Variants in KSR2 observed in about 807,000 individuals in gnomAD.
KSR2 encodes the protein kinase suppressor of ras 2.
Under a neutral mutation model 107.8 loss-of-function variants are expected in KSR2, and 25 were observed. The observed-to-expected ratio is 0.23, with a 90% CI of 0.17 to 0.32. The LOEUF is 0.32. KSR2 is among the 10% of genes least tolerant of loss of function. KSR2 has a pLI of 1.00. For missense variants in KSR2, 887 were observed against 1,268.9 expected (o/e 0.70, Z 4.57); for synonymous variants, 480 against 507.0 (o/e 0.95, Z 0.71).
intron 4 of KSR2, chr12:117,677,300 A>T (rs577874775): frequency 2.0e-5 from 3 of 152,256 alleles, no homozygotes; most frequent in African/African-American, 7.2e-5. Flanking sequence ...GGAACCTTTA[A>T]AGAGGTGACT....
At chr12:117,514,429 C>T (rs1295519424) in intron 14 of KSR2, among the ~76,000 whole-genome samples, 1 of 152,190 alleles carries the variant, frequency 6.6e-6, no homozygotes, top group Non-Finnish European at 1.5e-5. Flanking sequence ...TGTGTCCCTC[C>T]TCTGGTTTAA....
At chr12:117,901,687 T>C (rs961145566) in intron 1 of KSR2, among the ~76,000 whole-genome samples, 1 of 151,446 alleles carries the variant, frequency 6.6e-6, no homozygotes, top group Non-Finnish European at 1.5e-5. Context: ...AAACGTGGAG[T>C]GTGGTTGGTT....
At chr12:117,657,187 G>A (rs1023941015) in intron 5 of KSR2, among the ~76,000 whole-genome samples, 1 of 151,676 alleles carries the variant, frequency 6.6e-6, no homozygotes, top group Non-Finnish European at 1.5e-5. Flanking sequence ...TGGATTCAGA[G>A]TGAATCTCAG....
At chr12:117,589,605 A>T (rs1715779668) in intron 5 of KSR2, among the ~76,000 whole-genome samples, 1 of 152,234 alleles carries the variant, frequency 6.6e-6, no homozygotes, top group Non-Finnish European at 1.5e-5. Context: ...AACTTAGATC[A>T]TTAAACTTTT....
At chr12:117,781,773 C>A (rs1317851937) in intron 3 of KSR2, among the ~76,000 whole-genome samples, 1 of 152,170 alleles carries the variant, frequency 6.6e-6, no homozygotes, top group Non-Finnish European at 1.5e-5. Flanking sequence ...AGCAGTTAAC[C>A]CTCCCTGGCA....
intron 4 of KSR2, among the ~76,000 whole-genome samples, chr12:117,758,108 C>T (rs1356252702): frequency 1.3e-5 from 2 of 152,144 alleles, no homozygotes; most frequent in Non-Finnish European, 2.9e-5. Flanking sequence ...CAAATGTATT[C>T]TAACCTCTTG....
At chr12:117,824,622 C>T (rs1891674278) in intron 3 of KSR2, among the ~76,000 whole-genome samples, 1 of 151,494 alleles carries the variant, frequency 6.6e-6, no homozygotes, top group African/African-American at 2.4e-5. Context: ...TTTGGGAGGC[C>T]GAGGCGGGCG....
At chr12:117,710,170 T>C (rs1351655831) in intron 4 of KSR2, among the ~76,000 whole-genome samples, 1 of 152,024 alleles carries the variant, frequency 6.6e-6, no homozygotes, top group Non-Finnish European at 1.5e-5. Context: ...CAGGTAATGA[T>C]GCCATTTGAA....
chr12:117,502,402 G>A (rs1286976902), intron 14 of KSR2, among the ~76,000 whole-genome samples: 1 of 151,970 alleles, frequency 6.6e-6, no homozygotes, highest in Non-Finnish European at 1.5e-5. Context: ...AAGCACTCTG[G>A]GTCTGCATTT....
intron 1 of KSR2, among the ~76,000 whole-genome samples, chr12:117,928,082 C>T (rs1895587728): frequency 6.6e-6 from 1 of 152,044 alleles, no homozygotes; most frequent in Admixed American, 6.6e-5. Flanking sequence ...TGAAATCATA[C>T]AGTATTTGTC....
chr12:117,730,920 C>T (rs534423197), intron 4 of KSR2, among the ~76,000 whole-genome samples: 44 of 152,310 alleles, frequency 2.9e-4, no homozygotes, highest in South Asian at 8.3e-4. Context: ...AGCCTCTGCC[C>T]GGCCGCCACC....
intron 4 of KSR2, among the ~76,000 whole-genome samples, chr12:117,677,841 C>T (rs1346232781): frequency 1.3e-5 from 2 of 152,186 alleles, no homozygotes; most frequent in African/African-American, 2.4e-5. Flanking sequence ...TCCTCCAAAA[C>T]TATATTTTGG....
At chr12:117,485,276 C>T (rs753352591) in intron 15 of KSR2, among the ~76,000 whole-genome samples, 9 of 152,242 alleles carry the variant, frequency 5.9e-5, no homozygotes, top group East Asian at 1.9e-4. Context: ...TTCAAGGACT[C>T]GAAGGATGGT....
intron 1 of KSR2, among the ~76,000 whole-genome samples, chr12:117,894,773 G>T (rs989998665): frequency 5.8e-5 from 8 of 137,142 alleles, no homozygotes; most frequent in Non-Finnish European, 3.1e-5. Flanking sequence ...CTCTGGCCAC[G>T]TGAAGACCAT....
rs555649741 is a variant in KSR2 at position 117,706,611 on chromosome 12, T to G, written c.987-38953A>C. 5.9e-5 allele frequency among the ~76,000 whole-genome samples: 9 copies of G among 152,186 alleles called. No individual in the cohort carries two copies. In the South Asian group the frequency reaches 1.9e-3, roughly 32 times the overall value. ...AGCTCTGCTGGAAGTGGGGATTCACTGCAAACAGACATGAGAGATCTTTTC... is the reference window on the plus strand; with the variant it reads ...AGCTCTGCTGGAAGTGGGGATTCACGGCAAACAGACATGAGAGATCTTTTC... On this transcript the variant is annotated intron_variant, in intron 4 of 19. Transcript: ENST00000339824.
At chr12:117,670,266 CTTTGA>C (rs1487272246) in intron 4 of KSR2, among the ~76,000 whole-genome samples, 2 of 152,236 alleles carry the variant, frequency 1.3e-5, no homozygotes, top group South Asian at 2.1e-4. Context: ...GTTACCACTG[CTTTGA>C]TTTGAGTGCC....
intron 5 of KSR2, among the ~76,000 whole-genome samples, chr12:117,623,563 C>T (rs556756476): frequency 6.6e-6 from 1 of 152,330 alleles, no homozygotes; most frequent in South Asian, 2.1e-4. Context: ...ATGAACTCAT[C>T]CTTTTTTATG....
intron 5 of KSR2, among the ~76,000 whole-genome samples, chr12:117,662,215 C>T (rs2136468005): frequency 6.6e-6 from 1 of 152,304 alleles, no homozygotes; most frequent in East Asian, 1.9e-4. Context: ...CAAACCCAAA[C>T]TGCTCAAAAT....
chr12:117,943,775 A>G (rs941014312), intron 1 of KSR2, among the ~76,000 whole-genome samples: 2 of 152,202 alleles, frequency 1.3e-5, no homozygotes, highest in Non-Finnish European at 2.9e-5. Context: ...TGTAGCTTCC[A>G]TAATCCCATA....
Sources: gnomAD v4.1 joint callset for allele counts (sites outside exome capture counted in the v4.1 genomes callset) on GRCh38, gnomAD v4.1.1 for gene constraint, MANE v1.5 for transcripts, NCBI Gene and HGNC (gene_info 2026-07-23, HGNC 2026-07-21) for gene names.